Variants in CAMK4 observed in about 807,000 individuals in gnomAD.
CAMK4 encodes calcium/calmodulin-dependent protein kinase type IV.
CAMK4 carries 22 observed loss-of-function variants against 44.9 expected under a neutral mutation model. The ratio of observed to expected loss-of-function variants is 0.49; its 90% confidence interval spans 0.35 to 0.70. The LOEUF (loss-of-function observed/expected upper bound fraction) is 0.70, where lower values mean the gene tolerates loss of function less well. CAMK4 is among the 30% of genes least tolerant of loss of function. The pLI is 0.01. For synonymous variants in CAMK4, 218 were observed against 215.4 expected (o/e 1.01, Z -0.11); for missense variants, 498 against 586.8 (o/e 0.85, Z 1.56).
intron 1 of CAMK4, among the ~76,000 whole-genome samples, chr5:111,332,017 T>A (rs1471107853): frequency 2.0e-5 from 3 of 151,684 alleles, no homozygotes; most frequent in African/African-American, 2.4e-5. Flanking sequence ...GAACAGTGAT[T>A]TCTGCTGCTT....
chr5:111,443,963 C>T (rs1753941014), intron 5 of CAMK4, among the ~76,000 whole-genome samples: 1 of 152,158 alleles, frequency 6.6e-6, no homozygotes, highest in Non-Finnish European at 1.5e-5. Flanking sequence ...CTTGGGGACA[C>T]CGCATGTTTT....
intron 1 of CAMK4, chr5:111,270,026 A>G (rs1750436420): frequency 6.6e-6 from 1 of 152,372 alleles, no homozygotes; most frequent in African/African-American, 2.4e-5. Flanking sequence ...CCAGGACCAG[A>G]TATGGCAGCG....
At chr5:111,238,924 C>T (rs183485424) in intron 1 of CAMK4, among the ~76,000 whole-genome samples, 13 of 148,288 alleles carry the variant, frequency 8.8e-5, no homozygotes, top group African/African-American at 2.5e-4. Context: ...CACTTCCACT[C>T]GTGCCTTCCA....
intron 1 of CAMK4, among the ~76,000 whole-genome samples, chr5:111,323,901 G>T (rs1030741558): frequency 6.6e-6 from 1 of 151,942 alleles, no homozygotes; most frequent in East Asian, 1.9e-4. Context: ...TCAATTGATC[G>T]TTTAAAGCAA....
chr5:111,388,875 A>G (rs570598641), intron 4 of CAMK4, among the ~76,000 whole-genome samples: 8 of 152,324 alleles, frequency 5.3e-5, no homozygotes, highest in Non-Finnish European at 8.8e-5. Context: ...TAAAGTTTCC[A>G]TTAACTATTC....
intron 1 of CAMK4, among the ~76,000 whole-genome samples, chr5:111,248,272 C>A (rs1019440080): frequency 1.3e-4 from 20 of 152,086 alleles, no homozygotes; most frequent in Admixed American, 3.3e-4. Context: ...GTTATTAACT[C>A]TTGGGTTAAT....
rs1755910417 is a variant in CAMK4 at position 111,492,986 on chromosome 5, G to A, written c.*8520G>A. On this transcript the variant is annotated 3_prime_UTR_variant, in exon 11 of 11. Coordinates refer to ENST00000282356, the MANE Select transcript of CAMK4 (RefSeq NM_001744.6). ...AATCTTTGCAGGTAGGGAAGAAGTA[G>A]GGGGCATGTCTGGCTGAGAACCGGC... The A allele has an allele frequency of 1.3e-5, 2 of 152,336 alleles. No individual in the cohort carries two copies. Among genetic ancestry groups the A allele is most frequent in the Non-Finnish European group, 2.9e-5 (2 of 68,072 alleles). The allele number at this position is 152,336 out of a possible 1,614,324, so 9.4% of individuals were successfully genotyped here.
intron 1 of CAMK4, among the ~76,000 whole-genome samples, chr5:111,226,320 T>C (rs1445174809): frequency 2.0e-5 from 3 of 152,244 alleles, no homozygotes; most frequent in Non-Finnish European, 2.9e-5. Flanking sequence ...GTAGCCTGCA[T>C]AGGAAAAAAC....
At chr5:111,357,619 A>C (rs1162222568) in intron 2 of CAMK4, among the ~76,000 whole-genome samples, 1 of 152,092 alleles carries the variant, frequency 6.6e-6, no homozygotes, top group Admixed American at 6.6e-5. Context: ...TATTTTCTAG[A>C]AGAGGGGAAA....
chr5:111,339,121 A>G (rs1201233534), intron 1 of CAMK4, among the ~76,000 whole-genome samples: 2 of 151,232 alleles, frequency 1.3e-5, no homozygotes, highest in African/African-American at 2.4e-5. Flanking sequence ...TATATTTTGC[A>G]TATTAACCCC....
chr5:111,238,937 C>G (rs1232083991), intron 1 of CAMK4, among the ~76,000 whole-genome samples: 1 of 150,114 alleles, frequency 6.7e-6, no homozygotes, highest in Non-Finnish European at 1.5e-5. Context: ...GCCTTCCAGG[C>G]ACTAGCACCT....
At chr5:111,257,030 C>T (rs1287352989) in intron 1 of CAMK4, among the ~76,000 whole-genome samples, 1 of 152,120 alleles carries the variant, frequency 6.6e-6, no homozygotes, top group Non-Finnish European at 1.5e-5. Context: ...AAATGTAAAA[C>T]CCAAAACTGT....
At chr5:111,401,545 A>G (rs1014598261) in intron 5 of CAMK4, among the ~76,000 whole-genome samples, 1 of 152,214 alleles carries the variant, frequency 6.6e-6, no homozygotes, top group African/African-American at 2.4e-5. Context: ...AAAATAGAAA[A>G]TGGACATTAT....
At chr5:111,464,702 C>T (rs1224809319) in intron 7 of CAMK4, among the ~76,000 whole-genome samples, 1 of 152,158 alleles carries the variant, frequency 6.6e-6, no homozygotes, top group East Asian at 1.9e-4. Flanking sequence ...CAAGAGAGGA[C>T]AGTGGGGACA....
At chr5:111,241,291 A>G (rs2112518756) in intron 1 of CAMK4, among the ~76,000 whole-genome samples, 1 of 152,208 alleles carries the variant, frequency 6.6e-6, no homozygotes, top group African/African-American at 2.4e-5. Flanking sequence ...GTTTTTCATT[A>G]CCTTGAAAGT....
At chr5:111,341,223 G>A (rs141600378) in intron 1 of CAMK4, among the ~76,000 whole-genome samples, 3 of 151,054 alleles carry the variant, frequency 2.0e-5, no homozygotes, top group Non-Finnish European at 4.4e-5. Context: ...TTATTTACTT[G>A]TTCTTTCATT....
chr5:111,457,666 A>G (rs1042537961), intron 7 of CAMK4, among the ~76,000 whole-genome samples: 1 of 152,258 alleles, frequency 6.6e-6, no homozygotes, highest in Admixed American at 6.5e-5. Flanking sequence ...CATTTTCTCT[A>G]ACATGAACAC....
Position 111,482,867 on chromosome 5 carries a change from C to G in CAMK4, c.911C>G (p.Ala304Gly). 1 of 1,613,570 alleles carries G rather than the reference C, an allele frequency of 6.2e-7. No homozygotes were observed. The highest frequency in any genetic ancestry group is 8.5e-7 in the Non-Finnish European group (1 of 1,179,694). ...ALQHPWVTGKAANFVHMDTAQ... is the reference protein window; with the variant it reads ...ALQHPWVTGKGANFVHMDTAQ... ...CAGCATCCGTGGGTCACAGGTAAAG[C>G]AGCCAATTTTGTACACATGGATACC... Residue 304 changes from alanine (A) to glycine (G), a missense_variant, in exon 10 of 11, where the codon GCA (alanine) becomes GGA (glycine). Coordinates refer to ENST00000282356, the MANE Select transcript of CAMK4 (RefSeq NM_001744.6). This position sits in a 1 kb window ranked among gnomAD's most constrained non-coding sequence, Gnocchi z 4.9.
intron 1 of CAMK4, among the ~76,000 whole-genome samples, chr5:111,285,306 G>T (rs1208311786): frequency 6.6e-6 from 1 of 152,136 alleles, no homozygotes. Flanking sequence ...GTATTATTAT[G>T]AATCCTACGA....
Sources: allele counts gnomAD v4.1 joint callset (sites outside exome capture counted in the v4.1 genomes callset), GRCh38; gene constraint gnomAD v4.1.1; non-coding constraint Gnocchi (gnomAD v3.1); transcripts MANE v1.5; gene names NCBI Gene and HGNC (gene_info 2026-07-23, HGNC 2026-07-21).